DCUN1D5: variants seen among roughly 807,000 people sequenced by gnomAD.
DCUN1D5 encodes the protein defective in cullin neddylation 1 domain containing 5.
DCUN1D5 carries 10 observed loss-of-function variants against 38.3 expected under a neutral mutation model. The ratio of observed to expected loss-of-function variants is 0.26; its 90% CI spans 0.16 to 0.44. The LOEUF (loss-of-function observed/expected upper bound fraction) is 0.44. Among genes scored for constraint, DCUN1D5 ranks in the 20% least tolerant of loss-of-function variants. The pLI is 1.00. For synonymous variants in DCUN1D5, 93 were observed against 90.9 expected, an observed-to-expected ratio of 1.02 and a Z score of -0.13; for missense variants, 148 against 275.3, an observed-to-expected ratio of 0.54 and a Z score of 3.27.
At chr11:103,085,751 C>T (rs1862690192) in intron 2 of DCUN1D5, among the ~76,000 whole-genome samples, 1 of 152,174 alleles carries the variant, frequency 6.6e-6, no homozygotes, top group Non-Finnish European at 1.5e-5. Context: ...ACCTCTGGAG[C>T]TAAATTTAAT....
rs536739546 is a variant in DCUN1D5, at chr11:103,071,963, CA to C, written c.342-5397del. On this transcript the variant is annotated intron_variant, in intron 4 of 7. Transcript: ENST00000260247. The surrounding 1 kb of genome is among the most constrained non-coding windows in gnomAD (Gnocchi z 4.1). The stretch of plus-strand genomic sequence containing the variant: ...ACTTGATACCAAAACCAGGCAAATA[CA>C]AAAAAAAGCCACATAATTTTATCAT... 2.7e-5 allele frequency among the ~76,000 whole-genome samples: 4 copies of C among 146,010 alleles called. No individual in the cohort carries two copies. The highest frequency in any genetic ancestry group is 6.8e-5 in the Admixed American group (1 of 14,686).
chr11:103,074,017 C>T (rs2134617753), intron 4 of DCUN1D5, among the ~76,000 whole-genome samples: 1 of 152,112 alleles, frequency 6.6e-6, no homozygotes, highest in African/African-American at 2.4e-5. Flanking sequence ...TTGAAGTCAG[C>T]CAAGATCGCA....
Position 103,079,616 on chromosome 11 carries a change from C to A in DCUN1D5, c.341+3132G>T, listed in dbSNP as rs183714538. Among the ~76,000 whole-genome samples, 518 of 150,394 alleles carry A rather than the reference C, an allele frequency of 3.4e-3. 4 individuals are homozygous for A. The highest frequency in any genetic ancestry group is 0.012 in the Admixed American group (175 of 15,112). On this transcript the variant is annotated intron_variant, in intron 4 of 7. Coordinates refer to ENST00000260247, the MANE Select transcript of DCUN1D5 (RefSeq NM_032299.4). ...ACCAGCCTGGACAACATAGTGAGAC[C>A]CTGTCTCTCAAAAAAAAAATAGCCA...
In DCUN1D5 at chr11:103,057,220, TAAGTC is replaced by T. The variant is rs1861896850; in HGVS notation, c.*5134_*5138del. On this transcript the variant is annotated 3_prime_UTR_variant, in exon 8 of 8. Coordinates refer to ENST00000260247, the MANE Select transcript of DCUN1D5 (RefSeq NM_032299.4). The surrounding 1 kb of genome is among the most constrained non-coding windows in gnomAD (Gnocchi z 4.8). ...GTAAAGTATATAAACTAACTTCACT[TAAGTC>T]AATACTCACAAGTTAATTCTGCTAA... 6.6e-6 allele frequency among the ~76,000 whole-genome samples: 1 copy of T among 152,218 alleles called. No homozygotes were observed. Among genetic ancestry groups the T allele is most frequent in the Non-Finnish European group, 1.5e-5 (1 of 68,040 alleles).
At position 103,057,674 on chromosome 11, in the gene DCUN1D5, C is replaced by T. The variant is rs907389650; in HGVS notation, c.*4685G>A. Among the ~76,000 whole-genome samples the T allele has an allele frequency of 5.3e-5, 8 of 151,624 alleles. No individual in the cohort carries two copies. Among genetic ancestry groups the T allele is most frequent in the Non-Finnish European group, 8.8e-5 (6 of 67,892 alleles). On this transcript the variant is annotated 3_prime_UTR_variant, in exon 8 of 8. Coordinates refer to ENST00000260247, the MANE Select transcript of DCUN1D5 (RefSeq NM_032299.4). This position sits in a 1 kb window ranked among gnomAD's most constrained non-coding sequence, Gnocchi z 4.8. ...GGTCGAGGCTGCAGTGAGCTGAGACCGCACCACTGCACTCCATCCTGGGTG... is the reference window on the plus strand; with the variant it reads ...GGTCGAGGCTGCAGTGAGCTGAGACTGCACCACTGCACTCCATCCTGGGTG...
Position 103,059,263 on chromosome 11 carries a change from T to C in DCUN1D5, c.*3096A>G, listed in dbSNP as rs1267442139. On this transcript the variant is annotated 3_prime_UTR_variant, in exon 8 of 8. Transcript: ENST00000260247. ...AGTGAAATGTTTCATTTTATACGTA[T>C]GTATCATGTATTCTGAATCTGTGCT... Among the ~76,000 whole-genome samples, 1 of 152,184 alleles carries C rather than the reference T, an allele frequency of 6.6e-6. No homozygotes were observed. The highest frequency in any genetic ancestry group is 2.4e-5 in the African/African-American group (1 of 41,446).
chr11:103,080,915 AG>A (rs1862546068), intron 4 of DCUN1D5, among the ~76,000 whole-genome samples: 1 of 152,080 alleles, frequency 6.6e-6, no homozygotes, highest in Non-Finnish European at 1.5e-5. Context: ...AGGCTGAGGC[AG>A]GAGAATCGCT....
At chr11:103,067,567 T>C (rs1487215309) in intron 4 of DCUN1D5, among the ~76,000 whole-genome samples, 1 of 152,202 alleles carries the variant, frequency 6.6e-6, no homozygotes, top group Non-Finnish European at 1.5e-5. Flanking sequence ...CACTCAAAAC[T>C]GAATTTTAGT....
Position 103,063,371 on chromosome 11 carries a change from T to C in DCUN1D5, c.658+904A>G, listed in dbSNP as rs567124388. Among the ~76,000 whole-genome samples the C allele has an allele frequency of 6.6e-6, 1 of 152,132 alleles. No individual in the cohort carries two copies. The highest frequency in any genetic ancestry group is 1.5e-5 in the Non-Finnish European group (1 of 67,978). ...AATGCTGATACAAAATACATAAATA[T>C]ACACATCTACGGGCCATATACAGCC... On this transcript the variant is annotated intron_variant, in intron 7 of 7. Transcript: ENST00000260247. The surrounding 1 kb of genome is among the most constrained non-coding windows in gnomAD (Gnocchi z 4.6).
At chr11:103,075,243 CA>C (rs2134619494) in intron 4 of DCUN1D5, among the ~76,000 whole-genome samples, 1 of 152,318 alleles carries the variant, frequency 6.6e-6, no homozygotes, top group Non-Finnish European at 1.5e-5. Flanking sequence ...GACATGTCAA[CA>C]ACCAGACCCT....
intron 1 of DCUN1D5, among the ~76,000 whole-genome samples, chr11:103,089,882 A>G (rs964782230): frequency 6.6e-6 from 1 of 152,172 alleles, no homozygotes; most frequent in Non-Finnish European, 1.5e-5. Flanking sequence ...AAAGTTAATA[A>G]TAGTCCAAAT....
In DCUN1D5 at chr11:103,063,051, C is replaced by A. The variant is rs1310347776; in HGVS notation, c.659-637G>T. On this transcript the variant is annotated intron_variant, in intron 7 of 7. Transcript: ENST00000260247. The surrounding 1 kb of genome is among the most constrained non-coding windows in gnomAD (Gnocchi z 4.6). Reference sequence around the variant, plus strand: ...CACAAAGAAATATGCTTGCTTTATTCTTCTTAAAACACATAATCCTCTGGT... The same window carrying A: ...CACAAAGAAATATGCTTGCTTTATTATTCTTAAAACACATAATCCTCTGGT... 1.3e-5 allele frequency among the ~76,000 whole-genome samples: 2 copies of A among 152,112 alleles called. No homozygotes were observed. The highest frequency in any genetic ancestry group is 4.8e-5 in the African/African-American group (2 of 41,428).
At position 103,052,680 on chromosome 11, in the gene DCUN1D5, T is replaced by C. The variant is rs538288149; in HGVS notation, c.*9679A>G. 6.6e-6 allele frequency: 1 copy of C among 152,300 alleles called. No homozygotes were observed. Among genetic ancestry groups the C allele is most frequent in the East Asian group, 1.9e-4 (1 of 5,186 alleles). 9.4% of individuals were successfully genotyped at this position (152,300 alleles called of 1,614,324 possible). A position where few individuals can be genotyped will look rare whatever the true frequency, so the allele number is the denominator to read the frequency against. On this transcript the variant is annotated 3_prime_UTR_variant, in exon 8 of 8. Transcript: ENST00000260247. Reference sequence around the variant, plus strand: ...CATCCTTTTTTAGACCAGCTCTAGATAATGAATCTAAGATAGAATTATCAT... The same window carrying C: ...CATCCTTTTTTAGACCAGCTCTAGACAATGAATCTAAGATAGAATTATCAT...
chr11:103,058,965 C>CTTT lies in DCUN1D5; in HGVS notation c.*3391_*3393dup, dbSNP rs56096955. Among the ~76,000 whole-genome samples, 1 of 143,378 alleles carries CTTT rather than the reference C, an allele frequency of 7.0e-6. No homozygotes were observed. Among genetic ancestry groups the CTTT allele is most frequent in the African/African-American group, 2.6e-5 (1 of 39,092 alleles). 94.1% of individuals were successfully genotyped at this position (143,378 alleles called of 152,430 possible). A position where few individuals can be genotyped will look rare whatever the true frequency, so the allele number is the denominator to read the frequency against. On this transcript the variant is annotated 3_prime_UTR_variant, in exon 8 of 8. Coordinates refer to ENST00000260247, the MANE Select transcript of DCUN1D5 (RefSeq NM_032299.4). ...TAACAAAGAAAGGCATTTAGTTTTC[C>CTTT]TTTTTTTTTTTTATTAAAATGCCCT...
chr11:103,076,411 A>G (rs1323359065), intron 4 of DCUN1D5, among the ~76,000 whole-genome samples: 6 of 152,194 alleles, frequency 3.9e-5, no homozygotes, highest in Non-Finnish European at 2.9e-5. Context: ...AGATATTATA[A>G]TATTTTCCAA....
In DCUN1D5 at chr11:103,091,499, G is replaced by A. The variant is rs1591234395; in HGVS notation, c.86+288C>T. The A allele has an allele frequency of 2.1e-5, 8 of 388,722 alleles. No homozygotes were observed. The East Asian group carries it at 5.0e-4, about 24-fold the overall frequency. 24.1% of individuals were successfully genotyped at this position (388,722 alleles called of 1,614,324 possible). A position where few individuals can be genotyped will look rare whatever the true frequency, so the allele number is the denominator to read the frequency against. On this transcript the variant is annotated intron_variant, in intron 1 of 7. Transcript: ENST00000260247. This position sits in a 1 kb window ranked among gnomAD's most constrained non-coding sequence, Gnocchi z 4.3. ...GGTTGTGGGGTGGGGGTGGGGGTGG[G>A]GGGAAGCGCAATTTACATATGCATC...
rs117343221 is a variant in DCUN1D5 at position 103,073,801 on chromosome 11, G to A, written c.342-7234C>T. Among the ~76,000 whole-genome samples, 5 of 152,184 alleles carry A rather than the reference G, an allele frequency of 3.3e-5. No individual in the cohort carries two copies. The East Asian group carries it at 9.7e-4, about 29-fold the overall frequency. On this transcript the variant is annotated intron_variant, in intron 4 of 7. Transcript: ENST00000260247. This position sits in a 1 kb window ranked among gnomAD's most constrained non-coding sequence, Gnocchi z 4.2. Reference sequence around the variant, plus strand: ...ATCAAAAGTACATCAAAACTGAGGCGGGGGCTCATGTCTGTAATCCCAACA... The same window carrying A: ...ATCAAAAGTACATCAAAACTGAGGCAGGGGCTCATGTCTGTAATCCCAACA...
rs188032672 is a variant in DCUN1D5 at position 103,052,620 on chromosome 11, T to A, written c.*9739A>T. ...ATTGATTCATTCCTTCATTCTTGTATCTACTCCAAGTCTCTCTTGGTAGTT... is the reference window on the plus strand; with the variant it reads ...ATTGATTCATTCCTTCATTCTTGTAACTACTCCAAGTCTCTCTTGGTAGTT... On this transcript the variant is annotated 3_prime_UTR_variant, in exon 8 of 8. Coordinates refer to ENST00000260247, the MANE Select transcript of DCUN1D5 (RefSeq NM_032299.4). The A allele has an allele frequency of 2.6e-5, 4 of 152,310 alleles. No individual in the cohort carries two copies. The East Asian group carries it at 7.7e-4, about 29-fold the overall frequency. The allele number at this position is 152,310 out of a possible 1,614,324, so 9.4% of individuals were successfully genotyped here. A position where few individuals can be genotyped will look rare whatever the true frequency, so the allele number is the denominator to read the frequency against.
rs1018420205 is a variant in DCUN1D5, at chr11:103,056,858, C to T, written c.*5501G>A. On this transcript the variant is annotated 3_prime_UTR_variant, in exon 8 of 8. Coordinates refer to ENST00000260247, the MANE Select transcript of DCUN1D5 (RefSeq NM_032299.4). The surrounding 1 kb of genome is among the most constrained non-coding windows in gnomAD (Gnocchi z 4.9). The stretch of plus-strand genomic sequence containing the variant: ...CTATCATAACTAACCACTTCTTGTT[C>T]AAGTAACAAGACGCATTCATTTAAC... 6.6e-6 allele frequency among the ~76,000 whole-genome samples: 1 copy of T among 152,252 alleles called. No homozygotes were observed. Among genetic ancestry groups the T allele is most frequent in the East Asian group, 1.9e-4 (1 of 5,176 alleles).
Sources: gnomAD v4.1 joint callset for allele counts (sites outside exome capture counted in the v4.1 genomes callset) on GRCh38, gnomAD v4.1.1 for gene constraint, Gnocchi (gnomAD v3.1) non-coding constraint, MANE v1.5 for transcripts, NCBI Gene and HGNC (gene_info 2026-07-23, HGNC 2026-07-21) for gene names.